The following CNTNAP5 variants were observed in gnomAD, a reference collection of about 807,000 sequenced individuals.
CNTNAP5 encodes contactin-associated protein-like 5.
In CNTNAP5, 72 loss-of-function variants were observed where a neutral mutation model predicts 150.2. That is an observed-to-expected ratio of 0.48 (90% CI 0.40 to 0.58). CNTNAP5 has a LOEUF of 0.58. Ranked by LOEUF, CNTNAP5 falls within the 20% of genes least tolerant of loss-of-function variation. CNTNAP5 has a pLI of 0.00. For synonymous variants in CNTNAP5, 672 were observed against 619.8 expected, an observed-to-expected ratio of 1.08 and a Z score of -1.25; for missense variants, 1,636 against 1,626.2, an observed-to-expected ratio of 1.01 and a Z score of -0.10.
intron 1 of CNTNAP5, among the ~76,000 whole-genome samples, chr2:124,112,629 T>C (rs1422719999): frequency 6.6e-6 from 1 of 152,136 alleles, no homozygotes; most frequent in African/African-American, 2.4e-5. Flanking sequence ...GATGATTTGT[T>C]GCAAAGTGAT....
chr2:124,623,073 G>A (rs1347495252), intron 12 of CNTNAP5, among the ~76,000 whole-genome samples: 1 of 152,056 alleles, frequency 6.6e-6, no homozygotes, highest in East Asian at 1.9e-4. Context: ...TTTATCAAAG[G>A]GTAGTAAGGC....
chr2:124,028,880 A>C (rs780015330), intron 1 of CNTNAP5, among the ~76,000 whole-genome samples: 13 of 152,144 alleles, frequency 8.5e-5, no homozygotes, highest in Non-Finnish European at 1.6e-4. Context: ...CAGCAGGTAA[A>C]TATGTTACTG....
At chr2:124,860,227 G>A (rs1677484483) in intron 19 of CNTNAP5, among the ~76,000 whole-genome samples, 1 of 151,886 alleles carries the variant, frequency 6.6e-6, no homozygotes, top group South Asian at 2.1e-4. Flanking sequence ...GTGGGCGCCT[G>A]TAGTCCCAGC....
chr2:124,381,775 G>T (rs961508074), intron 3 of CNTNAP5, among the ~76,000 whole-genome samples: 1 of 152,104 alleles, frequency 6.6e-6, no homozygotes, highest in Non-Finnish European at 1.5e-5. Context: ...GAGCCTATCA[G>T]TGGTAGTTAC....
intron 17 of CNTNAP5, among the ~76,000 whole-genome samples, chr2:124,788,827 T>G (rs576711192): frequency 7.9e-5 from 12 of 152,218 alleles, no homozygotes; most frequent in African/African-American, 2.6e-4. Context: ...GAAATGGAGT[T>G]TCACCATGTT....
At chr2:124,111,146 A>G (rs1683289050) in intron 1 of CNTNAP5, among the ~76,000 whole-genome samples, 2 of 152,206 alleles carry the variant, frequency 1.3e-5, no homozygotes, top group African/African-American at 4.8e-5. Context: ...GCTGGAAGAC[A>G]ATCAAAAAAT....
At chr2:124,361,653 G>T (rs1403558949) in intron 3 of CNTNAP5, among the ~76,000 whole-genome samples, 1 of 139,356 alleles carries the variant, frequency 7.2e-6, no homozygotes, top group Non-Finnish European at 1.6e-5. Context: ...ACTTGAGGAG[G>T]CAGTCTGCCG....
At chr2:124,353,275 C>CA (rs1689918292) in intron 3 of CNTNAP5, among the ~76,000 whole-genome samples, 1 of 29,728 alleles carries the variant, frequency 3.4e-5, no homozygotes, top group African/African-American at 1.3e-4. Flanking sequence ...ACTAAAACAA[C>CA]AAAAACAGAC....
intron 1 of CNTNAP5, among the ~76,000 whole-genome samples, chr2:124,152,231 C>A (rs770431187): frequency 6.6e-6 from 1 of 152,120 alleles, no homozygotes; most frequent in Non-Finnish European, 1.5e-5. Flanking sequence ...CTGAGGATTC[C>A]CCCAAGAAGT....
At position 124,600,768 on chromosome 2, in the gene CNTNAP5, A is replaced by AG. The variant is rs70996079; in HGVS notation, c.1757-9033_1757-9032insG. Among the ~76,000 whole-genome samples, 447 of 110,626 alleles carry AG rather than the reference A, an allele frequency of 4.0e-3. 2 individuals carry two copies. Among genetic ancestry groups the AG allele is most frequent in the African/African-American group, 8.7e-3 (289 of 33,062 alleles). 72.6% of individuals were successfully genotyped at this position (110,626 alleles called of 152,430 possible). A position where few individuals can be genotyped will look rare whatever the true frequency, so the allele number is the denominator to read the frequency against. On this transcript the variant is annotated intron_variant, in intron 11 of 23. Transcript: ENST00000682447. Reference sequence around the variant, plus strand: ...GAGAGAGAGAGAGAGAGAGAGAGAGAAAGAGAGAGAAAGAGAGAAGCAAAA... The same window carrying AG: ...GAGAGAGAGAGAGAGAGAGAGAGAGAGAAGAGAGAGAAAGAGAGAAGCAAAA...
chr2:124,675,368 T>A (rs1678916661), intron 13 of CNTNAP5, among the ~76,000 whole-genome samples: 1 of 152,140 alleles, frequency 6.6e-6, no homozygotes, highest in South Asian at 2.1e-4. Context: ...ATATCTCATA[T>A]AGACAACATA....
intron 16 of CNTNAP5, among the ~76,000 whole-genome samples, chr2:124,771,311 C>T (rs1444690384): frequency 6.6e-6 from 1 of 152,142 alleles, no homozygotes; most frequent in Non-Finnish European, 1.5e-5. Context: ...GTCCTCTCCT[C>T]ATCCTCAATT....
At chr2:124,036,910 A>T (rs1474498890) in intron 1 of CNTNAP5, among the ~76,000 whole-genome samples, 1 of 152,162 alleles carries the variant, frequency 6.6e-6, no homozygotes, top group Admixed American at 6.5e-5. Flanking sequence ...ACTTTGAAAA[A>T]TTTTATCTGC....
chr2:124,195,266 G>C (rs1054475753), intron 1 of CNTNAP5, among the ~76,000 whole-genome samples: 3 of 152,178 alleles, frequency 2.0e-5, no homozygotes, highest in Non-Finnish European at 2.9e-5. Flanking sequence ...TTCCTGCAGA[G>C]AGCGTGCATC....
At chr2:124,479,988 T>C (rs1204520046) in intron 7 of CNTNAP5, among the ~76,000 whole-genome samples, 1 of 152,188 alleles carries the variant, frequency 6.6e-6, no homozygotes, top group Non-Finnish European at 1.5e-5. Context: ...ATTGGAGCTA[T>C]TAATAAAAAC....
chr2:124,437,715 A>G (rs986942792), intron 5 of CNTNAP5, among the ~76,000 whole-genome samples: 4 of 152,156 alleles, frequency 2.6e-5, no homozygotes, highest in African/African-American at 9.7e-5. Context: ...AAGGGTTTAT[A>G]ACATCCATGA....
chr2:124,333,877 T>A (rs949408105), intron 3 of CNTNAP5, among the ~76,000 whole-genome samples: 23 of 152,194 alleles, frequency 1.5e-4, no homozygotes, highest in African/African-American at 5.6e-4. Flanking sequence ...AAATCTGAAT[T>A]TGCCCGCTGC....
chr2:124,326,859 C>T (rs773939491), intron 3 of CNTNAP5, among the ~76,000 whole-genome samples: 2 of 151,676 alleles, frequency 1.3e-5, no homozygotes, highest in Non-Finnish European at 2.9e-5. Flanking sequence ...GTCCCAGCTA[C>T]TTGAGAGGCT....
rs1389945540 is a variant in CNTNAP5 at position 124,915,626 on chromosome 2, G to T, written c.*1338G>T. ...ATCTGCTATACCCTATATACATAAAGACCCTTCCAAACATCTTTTTATAGG... is the reference window on the plus strand; with the variant it reads ...ATCTGCTATACCCTATATACATAAATACCCTTCCAAACATCTTTTTATAGG... On this transcript the variant is annotated 3_prime_UTR_variant, in exon 24 of 24. Coordinates refer to ENST00000682447, the MANE Select transcript of CNTNAP5 (RefSeq NM_001367498.1). Among the ~76,000 whole-genome samples the T allele has an allele frequency of 6.6e-6, 1 of 151,972 alleles. No individual in the cohort carries two copies. Among genetic ancestry groups the T allele is most frequent in the Non-Finnish European group, 1.5e-5 (1 of 67,966 alleles).
Sources: gnomAD v4.1 joint callset for allele counts (sites outside exome capture counted in the v4.1 genomes callset) on GRCh38, gnomAD v4.1.1 for gene constraint, MANE v1.5 for transcripts, NCBI Gene and HGNC (gene_info 2026-07-23, HGNC 2026-07-21) for gene names.